Variants in COL25A1 observed in about 807,000 individuals in gnomAD.
COL25A1 encodes the protein collagen type XXV alpha 1 chain.
COL25A1 carries 103 observed loss-of-function variants against 128.4 expected under a neutral mutation model. The ratio of observed to expected loss-of-function variants is 0.80; its 90% CI spans 0.68 to 0.94. The LOEUF is 0.94. COL25A1 is among the 40% of genes least tolerant of loss of function. COL25A1 has a pLI of 0.00. For synonymous variants in COL25A1, 279 were observed against 277.2 expected (o/e 1.01, Z -0.06); for missense variants, 745 against 840.0 (o/e 0.89, Z 1.40).
intron 3 of COL25A1, among the ~76,000 whole-genome samples, chr4:109,104,336 A>G (rs765229445): frequency 6.6e-6 from 1 of 151,936 alleles, no homozygotes; most frequent in Non-Finnish European, 1.5e-5. Flanking sequence ...CTGTGCCACT[A>G]CACTCCAGCC....
intron 3 of COL25A1, among the ~76,000 whole-genome samples, chr4:109,223,669 G>C (rs1179647578): frequency 6.6e-6 from 1 of 150,498 alleles, no homozygotes; most frequent in Non-Finnish European, 1.5e-5. Context: ...CTTCTTAGTA[G>C]AGTCAGAACT....
chr4:108,888,246 T>C (rs1741056315), intron 18 of COL25A1, among the ~76,000 whole-genome samples: 1 of 152,148 alleles, frequency 6.6e-6, no homozygotes, highest in South Asian at 2.1e-4. Context: ...TCTCAATGAC[T>C]TCAAGAAGTT....
At chr4:109,279,878 A>T (rs1034097512) in intron 3 of COL25A1, among the ~76,000 whole-genome samples, 2 of 152,164 alleles carry the variant, frequency 1.3e-5, no homozygotes, top group African/African-American at 4.8e-5. Context: ...AGACCAAATC[A>T]GTTCTGAAAA....
chr4:108,937,926 G>A, intron 10 of COL25A1, 83 bp from the exon 11 acceptor site: 1 of 1,081,544 alleles, frequency 9.2e-7, no homozygotes, highest in Non-Finnish European at 1.4e-6. Flanking sequence ...TCTTTGACTG[G>A]GGCATGTAAA....
chr4:108,909,172 C>T (rs1743910424), intron 13 of COL25A1, among the ~76,000 whole-genome samples: 1 of 152,150 alleles, frequency 6.6e-6, no homozygotes, highest in African/African-American at 2.4e-5. Flanking sequence ...AAGACTAGTT[C>T]AACCTACGCC....
intron 3 of COL25A1, among the ~76,000 whole-genome samples, chr4:109,054,460 T>C (rs1222248567): frequency 1.3e-5 from 2 of 152,216 alleles, no homozygotes; most frequent in African/African-American, 2.4e-5. Context: ...TTTTCATTCA[T>C]GTGTTGAAGC....
At chr4:108,988,388 C>T (rs1305903982) in intron 6 of COL25A1, among the ~76,000 whole-genome samples, 1 of 152,132 alleles carries the variant, frequency 6.6e-6, no homozygotes, top group African/African-American at 2.4e-5. Flanking sequence ...TCTGTGTATC[C>T]AACATGCTTC....
intron 3 of COL25A1, among the ~76,000 whole-genome samples, chr4:109,096,082 T>C (rs1288972279): frequency 1.3e-5 from 2 of 152,210 alleles, no homozygotes; most frequent in African/African-American, 4.8e-5. Flanking sequence ...GTTGGCGACA[T>C]GAGAGCCAAA....
intron 33 of COL25A1, 113 bp downstream of exon 33, chr4:108,827,022 T>G: frequency 1.2e-6 from 1 of 860,992 alleles, no homozygotes. Context: ...AATGAGTGGA[T>G]TGTTGTTTCT....
chr4:109,055,628 C>T (rs1381821789), intron 3 of COL25A1, among the ~76,000 whole-genome samples: 3 of 152,172 alleles, frequency 2.0e-5, no homozygotes, highest in Non-Finnish European at 2.9e-5. Context: ...AACATCGCTA[C>T]TTAGACAGAT....
chr4:109,084,904 C>T (rs1219147170), intron 3 of COL25A1, among the ~76,000 whole-genome samples: 3 of 152,024 alleles, frequency 2.0e-5, no homozygotes, highest in African/African-American at 7.2e-5. Context: ...TAATAAATGC[C>T]TTATTCTTTC....
At chr4:108,841,575 C>A in intron 31 of COL25A1, 120 bp downstream of exon 31, 1 of 810,616 alleles carries the variant, frequency 1.2e-6, no homozygotes, top group East Asian at 2.6e-5. Flanking sequence ...TGCTTAAAGG[C>A]TCAAAGATTA....
chr4:109,062,313 T>C (rs1303423351), intron 3 of COL25A1, among the ~76,000 whole-genome samples: 2 of 152,208 alleles, frequency 1.3e-5, no homozygotes, highest in African/African-American at 2.4e-5. Context: ...AAGTAGAATT[T>C]GAGTTATTTT....
chr4:109,298,233 T>C (rs1485466995), intron 3 of COL25A1, among the ~76,000 whole-genome samples: 3 of 152,168 alleles, frequency 2.0e-5, no homozygotes, highest in African/African-American at 7.2e-5. Flanking sequence ...TTCATCTCTC[T>C]CTCACAGAGG....
Position 109,241,414 on chromosome 4 carries a change from G to A in COL25A1, c.367+59169C>T, listed in dbSNP as rs189825973. ...TTCTCTCTTCACTTTCACCTTCTTT[G>A]TGCAATCTTTAAAATAATAGAAACC... On this transcript the variant is annotated intron_variant, in intron 3 of 37. Coordinates refer to ENST00000399132, the MANE Select transcript of COL25A1 (RefSeq NM_198721.4). Among the ~76,000 whole-genome samples, 8 of 151,666 alleles carry A rather than the reference G, an allele frequency of 5.3e-5. No homozygotes were observed. In the East Asian group the frequency reaches 1.4e-3, roughly 26 times the overall value.
At chr4:108,897,807 C>CT in intron 15 of COL25A1, among the ~76,000 whole-genome samples, 1 of 152,244 alleles carries the variant, frequency 6.6e-6, no homozygotes, top group South Asian at 2.1e-4. Context: ...CAGACTTTCA[C>CT]TTTTTTCCTC....
intron 19 of COL25A1, among the ~76,000 whole-genome samples, chr4:108,872,116 G>A (rs558391238): frequency 1.3e-5 from 2 of 152,244 alleles, no homozygotes; most frequent in East Asian, 3.9e-4. Context: ...AATACACGGA[G>A]TATGAAAAGT....
intron 31 of COL25A1, among the ~76,000 whole-genome samples, chr4:108,834,114 G>T (rs1360103087): frequency 1.3e-5 from 2 of 152,212 alleles, no homozygotes; most frequent in Non-Finnish European, 2.9e-5. Context: ...AAATTATCCA[G>T]ACTTGAACAC....
At chr4:109,106,759 T>C (rs979448340) in intron 3 of COL25A1, among the ~76,000 whole-genome samples, 62 of 132,012 alleles carry the variant, frequency 4.7e-4, no homozygotes, top group African/African-American at 1.6e-3. Flanking sequence ...ATATCCATTT[T>C]AAAAAAATTT....
Sources: gnomAD v4.1 joint callset for allele counts (sites outside exome capture counted in the v4.1 genomes callset) on GRCh38, gnomAD v4.1.1 for gene constraint, MANE v1.5 for transcripts, NCBI Gene and HGNC (gene_info 2026-07-23, HGNC 2026-07-21) for gene names.